CSMD1: variants seen among roughly 807,000 people sequenced by gnomAD.
CSMD1 encodes the protein CUB and Sushi multiple domains 1.
In CSMD1, 213 loss-of-function variants were observed where a neutral mutation model predicts 417.5. The observed-to-expected ratio is 0.51, with a 90% CI of 0.46 to 0.57. The LOEUF is 0.57. CSMD1 is among the 20% of genes least tolerant of loss of function. The pLI is 0.00. For synonymous variants in CSMD1, 2,862 were observed against 1,736.8 expected, an observed-to-expected ratio of 1.65 and a Z score of -16.11; for missense variants, 6,923 against 4,529.7, an observed-to-expected ratio of 1.53 and a Z score of -15.17.
chr8:4,305,226 C>T (rs192627751), intron 3 of CSMD1, among the ~76,000 whole-genome samples: 3 of 152,314 alleles, frequency 2.0e-5, no homozygotes, highest in East Asian at 3.9e-4. Context: ...GGATGAAGTG[C>T]CAGCAAACTT....
At chr8:4,285,135 C>G (rs1428001274) in intron 3 of CSMD1, among the ~76,000 whole-genome samples, 2 of 152,174 alleles carry the variant, frequency 1.3e-5, no homozygotes, top group Admixed American at 1.3e-4. Flanking sequence ...TTTTAACTTA[C>G]AGATATTTTG....
intron 7 of CSMD1, among the ~76,000 whole-genome samples, chr8:3,688,110 G>A (rs1014851531): frequency 6.6e-6 from 1 of 152,174 alleles, no homozygotes; most frequent in African/African-American, 2.4e-5. Context: ...CACTTAGTGT[G>A]CTTATCTGCT....
At chr8:3,882,200 G>C (rs1032955221) in intron 5 of CSMD1, among the ~76,000 whole-genome samples, 11 of 151,410 alleles carry the variant, frequency 7.3e-5, no homozygotes, top group Admixed American at 3.3e-4. Context: ...CAACAAGAAA[G>C]AGAGAGACAA....
chr8:3,376,789 AATT>A (rs200192068), intron 18 of CSMD1, among the ~76,000 whole-genome samples: 26 of 142,556 alleles, frequency 1.8e-4, no homozygotes, highest in Admixed American at 5.5e-4. Flanking sequence ...ACAATATTAT[AATT>A]ATTTTTTTTT....
chr8:4,441,691 A>C (rs1231348839), intron 2 of CSMD1, among the ~76,000 whole-genome samples: 2 of 152,192 alleles, frequency 1.3e-5, no homozygotes, highest in African/African-American at 4.8e-5. Context: ...GTATCTTTCA[A>C]ATACCAATTA....
At chr8:3,392,403 A>G (rs77266616) in intron 17 of CSMD1, among the ~76,000 whole-genome samples, 1,813 of 152,118 alleles carry the variant, frequency 0.012, 46 homozygotes, top group East Asian at 0.097. Context: ...TTCAGAACCT[A>G]TTTTGTCGAA....
intron 2 of CSMD1, among the ~76,000 whole-genome samples, chr8:4,573,187 G>A (rs1173503570): frequency 6.6e-6 from 1 of 152,166 alleles, no homozygotes; most frequent in East Asian, 1.9e-4. Context: ...ATCCTTTGGA[G>A]GAGAAGAGGC....
chr8:3,597,986 A>C (rs1801174020), intron 8 of CSMD1, among the ~76,000 whole-genome samples: 1 of 152,348 alleles, frequency 6.6e-6, no homozygotes, highest in East Asian at 1.9e-4. Context: ...AAGGTATATT[A>C]AAAAGTTTTT....
chr8:4,188,083 A>C (rs1798788818), intron 3 of CSMD1, among the ~76,000 whole-genome samples: 1 of 152,084 alleles, frequency 6.6e-6, no homozygotes, highest in African/African-American at 2.4e-5. Flanking sequence ...TAGAAAAGTG[A>C]CTGCTGGCAG....
At chr8:4,014,028 G>A (rs961797312) in intron 4 of CSMD1, among the ~76,000 whole-genome samples, 2 of 152,128 alleles carry the variant, frequency 1.3e-5, no homozygotes, top group Admixed American at 6.6e-5. Flanking sequence ...AGGACATACG[G>A]AGAAATATTG....
intron 3 of CSMD1, among the ~76,000 whole-genome samples, chr8:4,119,951 C>CA (rs66572184): frequency 0.85 from 125,781 of 147,714 alleles, 52,137 homozygotes; most frequent in African/African-American, 0.87. Flanking sequence ...TAATAGGTAT[C>CA]AAAAAAATTA....
chr8:3,496,000 C>T lies in CSMD1; in HGVS notation c.1345-2274G>A, dbSNP rs139429854. On this transcript the variant is annotated intron_variant, in intron 10 of 69. Coordinates refer to ENST00000635120, the MANE Select transcript of CSMD1 (RefSeq NM_033225.6). ...CATGGTGGTTTGCTGCACCTGTCAACCCATCACCTAGGTATTAAGCCCAGC... is the reference window on the plus strand; with the variant it reads ...CATGGTGGTTTGCTGCACCTGTCAATCCATCACCTAGGTATTAAGCCCAGC... 7.1e-4 allele frequency among the ~76,000 whole-genome samples: 108 copies of T among 152,234 alleles called. 1 individual carries two copies. The East Asian group carries it at 0.02, about 28-fold the overall frequency.
At chr8:4,911,285 T>G (rs1323236042) in intron 1 of CSMD1, among the ~76,000 whole-genome samples, 1 of 152,210 alleles carries the variant, frequency 6.6e-6, no homozygotes. Flanking sequence ...CTATACATAC[T>G]GGATAAAGTG....
chr8:4,482,092 A>G (rs998730249), intron 2 of CSMD1, among the ~76,000 whole-genome samples: 3 of 152,200 alleles, frequency 2.0e-5, no homozygotes, highest in African/African-American at 7.2e-5. Flanking sequence ...TAGCAATACA[A>G]TAACTCTCTT....
Position 4,882,232 on chromosome 8 carries a change from T to A in CSMD1, c.85+112100A>T, listed in dbSNP as rs187912165. ...GATTTCCCACACACTGGGACCAGCA[T>A]CCTCTACGTGCCCTGAGGGTGGATG... On this transcript the variant is annotated intron_variant, in intron 1 of 69. Coordinates refer to ENST00000635120, the MANE Select transcript of CSMD1 (RefSeq NM_033225.6). Among the ~76,000 whole-genome samples, 128 of 151,912 alleles carry A rather than the reference T, an allele frequency of 8.4e-4. 3 individuals are homozygous for A. The South Asian group carries it at 0.017, about 20-fold the overall frequency.
intron 5 of CSMD1, among the ~76,000 whole-genome samples, chr8:3,899,840 G>A (rs1428711895): frequency 6.6e-6 from 1 of 152,144 alleles, no homozygotes; most frequent in Non-Finnish European, 1.5e-5. Flanking sequence ...CAGGTACTGT[G>A]TCCTGAAAAT....
At chr8:4,597,923 G>A (rs1003681159) in intron 2 of CSMD1, among the ~76,000 whole-genome samples, 5 of 151,810 alleles carry the variant, frequency 3.3e-5, no homozygotes, top group Non-Finnish European at 7.4e-5. Context: ...TAAAATTATG[G>A]CTGCTCTTAT....
chr8:4,558,729 C>A (rs951723852), intron 2 of CSMD1, among the ~76,000 whole-genome samples: 2 of 152,052 alleles, frequency 1.3e-5, no homozygotes, highest in African/African-American at 4.8e-5. Context: ...ATTAGCCCAG[C>A]ATGGTGGTGG....
chr8:3,043,375 G>C (rs886833968), intron 50 of CSMD1, among the ~76,000 whole-genome samples: 1 of 151,854 alleles, frequency 6.6e-6, no homozygotes, highest in Non-Finnish European at 1.5e-5. Context: ...AGTACCATAG[G>C]TCACTATAGC....
Sources: gnomAD v4.1 joint callset for allele counts (sites outside exome capture counted in the v4.1 genomes callset) on GRCh38, gnomAD v4.1.1 for gene constraint, MANE v1.5 for transcripts, NCBI Gene and HGNC (gene_info 2026-07-23, HGNC 2026-07-21) for gene names.